CFAP20DC: variants seen among roughly 807,000 people sequenced by gnomAD.
The protein encoded by CFAP20DC is CFAP20 domain containing, also known as protein CFAP20DC.
CFAP20DC carries 84 observed loss-of-function variants against 101.7 expected under a neutral mutation model. The ratio of observed to expected loss-of-function variants is 0.83; its 90% CI spans 0.69 to 0.99. The LOEUF is 0.99. Among genes scored for constraint, CFAP20DC ranks in the 50% least tolerant of loss-of-function variants. The pLI, the probability that CFAP20DC is intolerant of heterozygous loss-of-function variation, is 0.00. For synonymous variants in CFAP20DC, 359 were observed against 351.2 expected (o/e 1.02, Z -0.25); for missense variants, 1,007 against 970.3 (o/e 1.04, Z -0.50).
intron 5 of CFAP20DC, among the ~76,000 whole-genome samples, chr3:58,922,818 A>C (rs554780204): frequency 4.7e-4 from 72 of 151,818 alleles, no homozygotes; most frequent in African/African-American, 1.6e-3. Context: ...TTTTTTTTTC[A>C]ATCGTTTCAT....
intron 14 of CFAP20DC, among the ~76,000 whole-genome samples, chr3:58,813,490 G>C (rs944944320): frequency 2.2e-4 from 33 of 151,884 alleles, no homozygotes; most frequent in African/African-American, 6.3e-4. Flanking sequence ...AAACCCAGTG[G>C]GGTTGGTGTT....
At chr3:58,879,307 T>A (rs1242166449) in intron 7 of CFAP20DC, among the ~76,000 whole-genome samples, 1 of 152,120 alleles carries the variant, frequency 6.6e-6, no homozygotes, top group Non-Finnish European at 1.5e-5. Context: ...CCCCATAAAT[T>A]TGTACAATTA....
At chr3:58,757,351 A>C (rs1377713722) in intron 15 of CFAP20DC, among the ~76,000 whole-genome samples, 1 of 151,900 alleles carries the variant, frequency 6.6e-6, no homozygotes, top group Non-Finnish European at 1.5e-5. Flanking sequence ...AAGGGCATGT[A>C]TGTAATACAC....
At chr3:58,850,179 G>A (rs2078094336) in intron 12 of CFAP20DC, among the ~76,000 whole-genome samples, 1 of 152,248 alleles carries the variant, frequency 6.6e-6, no homozygotes, top group East Asian at 1.9e-4. Flanking sequence ...ATGAAAATGA[G>A]AAATGTAGTG....
chr3:58,758,468 C>T (rs186121790), intron 15 of CFAP20DC, among the ~76,000 whole-genome samples: 2 of 152,200 alleles, frequency 1.3e-5, no homozygotes, highest in Non-Finnish European at 2.9e-5. Context: ...TGCTGTTCCA[C>T]CATTTCCATA....
chr3:58,759,051 C>G (rs1213877694), intron 15 of CFAP20DC, among the ~76,000 whole-genome samples: 2 of 152,024 alleles, frequency 1.3e-5, no homozygotes, highest in Non-Finnish European at 2.9e-5. Context: ...GGGTATATAC[C>G]CAGTAATGGG....
chr3:59,023,844 A>G (rs1321016060), intron 4 of CFAP20DC, among the ~76,000 whole-genome samples: 1 of 152,142 alleles, frequency 6.6e-6, no homozygotes, highest in African/African-American at 2.4e-5. Flanking sequence ...TTATTACCCA[A>G]TTTTAAAAAG....
intron 6 of CFAP20DC, among the ~76,000 whole-genome samples, chr3:58,890,413 G>C (rs1483612978): frequency 4.2e-5 from 6 of 143,596 alleles, no homozygotes; most frequent in African/African-American, 1.6e-4. Flanking sequence ...CCTCCCGGAC[G>C]GGGTGGCTGG....
intron 15 of CFAP20DC, among the ~76,000 whole-genome samples, chr3:58,760,284 C>T (rs1183369049): frequency 2.0e-5 from 3 of 152,164 alleles, no homozygotes; most frequent in Non-Finnish European, 2.9e-5. Context: ...GTATTTTCTT[C>T]TCTTTGAAGC....
intron 6 of CFAP20DC, among the ~76,000 whole-genome samples, chr3:58,905,793 C>T (rs1397445159): frequency 1.3e-5 from 2 of 152,198 alleles, no homozygotes; most frequent in East Asian, 1.9e-4. Context: ...ACAGCCTCAT[C>T]AGTCTTTGCA....
chr3:58,842,637 A>T (rs1021639170), intron 13 of CFAP20DC, among the ~76,000 whole-genome samples: 1 of 152,230 alleles, frequency 6.6e-6, no homozygotes, highest in Non-Finnish European at 1.5e-5. Context: ...AGCAGCCAGG[A>T]AGCTCTAACT....
At position 58,783,404 on chromosome 3, in the gene CFAP20DC, C is replaced by G. The variant is rs9878119; in HGVS notation, c.2237+22991G>C. Reference sequence around the variant, plus strand: ...ATGGCCAAGTCCTCAAAAGCACAAACAAAACCAAAAATAGATAAATAGGAC... The same window carrying G: ...ATGGCCAAGTCCTCAAAAGCACAAAGAAAACCAAAAATAGATAAATAGGAC... On this transcript the variant is annotated intron_variant, in intron 15 of 16. Coordinates refer to ENST00000482387, the MANE Select transcript of CFAP20DC (RefSeq NM_001394063.1). 9.9e-3 allele frequency among the ~76,000 whole-genome samples: 1,507 copies of G among 151,846 alleles called. 23 individuals are homozygous for G. Among genetic ancestry groups the G allele is most frequent in the African/African-American group, 0.035 (1,455 of 41,440 alleles).
intron 7 of CFAP20DC, among the ~76,000 whole-genome samples, chr3:58,881,693 T>C (rs2081239869): frequency 6.6e-6 from 1 of 152,172 alleles, no homozygotes; most frequent in Non-Finnish European, 1.5e-5. Context: ...AATATGTGCA[T>C]TCATAATAAA....
chr3:59,049,647 A>G lies in CFAP20DC; in HGVS notation c.-16T>C. 1 of 1,536,052 alleles carries G rather than the reference A, an allele frequency of 6.5e-7. No individual in the cohort carries two copies. Among genetic ancestry groups the G allele is most frequent in the Non-Finnish European group, 8.7e-7 (1 of 1,146,862 alleles). On this transcript the variant is annotated 5_prime_UTR_variant, in exon 1 of 17. Transcript: ENST00000482387. ...TTTTGAACATTCCCGCAGGGGGCCC[A>G]GGGCTTGGGGGGCACAGAGTTCAGG... is the stretch of plus-strand genomic sequence containing the variant.
At chr3:58,917,850 G>C (rs1479491430) in intron 5 of CFAP20DC, among the ~76,000 whole-genome samples, 1 of 152,144 alleles carries the variant, frequency 6.6e-6, no homozygotes, top group East Asian at 1.9e-4. Context: ...TATGGAGAGA[G>C]GAGAGGAGAG....
intron 4 of CFAP20DC, among the ~76,000 whole-genome samples, chr3:58,950,254 T>A (rs1358648611): frequency 2.0e-5 from 3 of 151,966 alleles, no homozygotes; most frequent in Non-Finnish European, 4.4e-5. Flanking sequence ...CTCAACAAAA[T>A]AAAAGAGGAT....
chr3:58,821,398 G>A (rs1386143804), intron 14 of CFAP20DC, among the ~76,000 whole-genome samples: 1 of 152,058 alleles, frequency 6.6e-6, no homozygotes, highest in Non-Finnish European at 1.5e-5. Context: ...CTACTCATCT[G>A]ACAAAGGGCT....
intron 7 of CFAP20DC, among the ~76,000 whole-genome samples, chr3:58,871,525 ACTTTT>A (rs2080215144): frequency 6.8e-6 from 1 of 146,418 alleles, no homozygotes; most frequent in African/African-American, 2.5e-5. Context: ...CTGAATTCCG[ACTTTT>A]CTTTTTTTTT....
At chr3:58,878,874 G>C (rs2080992347) in intron 7 of CFAP20DC, among the ~76,000 whole-genome samples, 1 of 152,146 alleles carries the variant, frequency 6.6e-6, no homozygotes, top group Non-Finnish European at 1.5e-5. Flanking sequence ...CGGGCGTGGT[G>C]GTGGGCACCT....
Sources: gnomAD v4.1 joint callset for allele counts (sites outside exome capture counted in the v4.1 genomes callset) on GRCh38, gnomAD v4.1.1 for gene constraint, MANE v1.5 for transcripts, NCBI Gene and HGNC (gene_info 2026-07-23, HGNC 2026-07-21) for gene names.